The following SHROOM4 variants were observed in gnomAD, a reference collection of about 807,000 sequenced individuals.
The protein encoded by SHROOM4 is shroom family member 4.
Under a neutral mutation model 80.3 loss-of-function variants are expected in SHROOM4, and 17 were observed. The ratio of observed to expected loss-of-function variants is 0.21; its 90% CI spans 0.14 to 0.32. SHROOM4 has a LOEUF of 0.32. Ranked by LOEUF, SHROOM4 falls within the 10% of genes least tolerant of loss-of-function variation. The pLI is 1.00. For synonymous variants in SHROOM4, 400 were observed against 437.5 expected (o/e 0.91, Z 1.07); for missense variants, 993 against 1,140.3 (o/e 0.87, Z 1.86).
rs782423442 is a variant in SHROOM4, at chrX:50,724,896, G to A, written c.118-28959C>T. 1.3e-4 allele frequency among the ~76,000 whole-genome samples: 15 copies of A among 111,990 alleles called. No individual in the cohort carries two copies. In the South Asian group the frequency reaches 2.2e-3, roughly 17 times the overall value. ...TCTTTGGTATTGTATATAAGAAATC[G>A]TTGCTGATAGAACTTCCAGAATAGG... is the stretch of plus-strand genomic sequence containing the variant. On this transcript the variant is annotated intron_variant, in intron 1 of 8. Coordinates refer to ENST00000376020, the MANE Select transcript of SHROOM4 (RefSeq NM_020717.5).
intron 1 of SHROOM4, among the ~76,000 whole-genome samples, chrX:50,799,753 A>G (rs1333052168): frequency 8.9e-6 from 1 of 112,002 alleles, no homozygotes; most frequent in African/African-American, 3.3e-5. Context: ...CCTCTCAGCT[A>G]AAGCAGTGAA....
chrX:50,652,109 T>G (rs1318631697), intron 2 of SHROOM4, among the ~76,000 whole-genome samples: 2 of 111,941 alleles, frequency 1.8e-5, no homozygotes, highest in Admixed American at 9.5e-5. Context: ...GTAATGGGAT[T>G]GCTAGATCAA....
chrX:50,640,101 C>T (rs782483953), intron 2 of SHROOM4, among the ~76,000 whole-genome samples: 74 of 111,934 alleles, frequency 6.6e-4, no homozygotes, highest in Non-Finnish European at 1.2e-3. Flanking sequence ...TCTCCAGCTG[C>T]TGCTACCAGG....
intron 5 of SHROOM4, among the ~76,000 whole-genome samples, chrX:50,611,131 ATTTTCTTT>A (rs1929954039): frequency 1.7e-4 from 13 of 77,466 alleles, no homozygotes; most frequent in Non-Finnish European, 2.0e-4. Flanking sequence ...TACAGACCAT[ATTTTCTTT>A]TTTTCTTTTT....
At chrX:50,628,315 C>T (rs1557253499) in intron 4 of SHROOM4, among the ~76,000 whole-genome samples, 2 of 111,203 alleles carry the variant, frequency 1.8e-5, no homozygotes, top group African/African-American at 6.5e-5. Flanking sequence ...AGCAGACTCT[C>T]TACCCTGGGC....
chrX:50,745,464 G>A (rs1934754423), intron 1 of SHROOM4, among the ~76,000 whole-genome samples: 1 of 110,527 alleles, frequency 9.0e-6, no homozygotes, highest in African/African-American at 3.3e-5. Flanking sequence ...AAAAAAACTG[G>A]GCCCTCGACT....
At chrX:50,680,659 A>AT (rs1274631713) in intron 2 of SHROOM4, among the ~76,000 whole-genome samples, 1 of 111,324 alleles carries the variant, frequency 9.0e-6, no homozygotes, top group Non-Finnish European at 1.9e-5. Context: ...AAATTCAGGA[A>AT]TTTTTATATT....
intron 1 of SHROOM4, among the ~76,000 whole-genome samples, chrX:50,736,465 G>A (rs1163675161): frequency 2.7e-5 from 3 of 111,048 alleles, no homozygotes; most frequent in Admixed American, 1.9e-4. Flanking sequence ...GTGTCCATGT[G>A]TTCTCATTGT....
chrX:50,598,213 G>A, intron 8 of SHROOM4, 53 bp downstream of exon 8: 2 of 1,201,505 alleles, frequency 1.7e-6, no homozygotes, highest in Non-Finnish European at 2.3e-6. Flanking sequence ...GGAGCCCTGA[G>A]AAGAAACAAA....
At chrX:50,800,541 G>C (rs1190192398) in intron 1 of SHROOM4, among the ~76,000 whole-genome samples, 1 of 111,293 alleles carries the variant, frequency 9.0e-6, no homozygotes, top group African/African-American at 3.3e-5. Flanking sequence ...GGGCTTGAAG[G>C]TTAGGTCCTA....
intron 1 of SHROOM4, among the ~76,000 whole-genome samples, chrX:50,804,776 C>T (rs143369678): frequency 0.017 from 1,914 of 111,888 alleles, 22 homozygotes; most frequent in Middle Eastern, 0.06. Flanking sequence ...ACTACCTCTC[C>T]GATCCCACCA....
chrX:50,646,527 A>AGTGTGTGTGTGT (rs782016561), intron 2 of SHROOM4, among the ~76,000 whole-genome samples: 219 of 78,773 alleles, frequency 2.8e-3, no homozygotes, highest in Non-Finnish European at 4.6e-3. Flanking sequence ...AGGGGGGAAG[A>AGTGTGTGTGTGT]GTGTGTGTGT....
chrX:50,658,699 C>A lies in SHROOM4; in HGVS notation c.270-20391G>T, dbSNP rs1029290636. ...AGGGATAGGAAGGGAAGATGATGAA[C>A]CTGAAATTGATAATAAAAGGGAAAG... is the stretch of plus-strand genomic sequence containing the variant. On this transcript the variant is annotated intron_variant, in intron 2 of 8. Coordinates refer to ENST00000376020, the MANE Select transcript of SHROOM4 (RefSeq NM_020717.5). Among the ~76,000 whole-genome samples the A allele has an allele frequency of 5.4e-5, 6 of 111,238 alleles. No individual in the cohort carries two copies. In the Admixed American group the frequency reaches 5.7e-4, roughly 11 times the overall value.
intron 5 of SHROOM4, among the ~76,000 whole-genome samples, chrX:50,624,978 A>G (rs1427080484): frequency 1.8e-5 from 2 of 111,927 alleles, no homozygotes; most frequent in African/African-American, 3.2e-5. Context: ...ATACTATAAT[A>G]GGTCCCATCA....
At chrX:50,618,878 C>T (rs1314955431) in intron 5 of SHROOM4, among the ~76,000 whole-genome samples, 3 of 112,157 alleles carry the variant, frequency 2.7e-5, no homozygotes, top group Non-Finnish European at 5.6e-5. Flanking sequence ...GAGAGATAAT[C>T]GCAGGGAAGC....
At chrX:50,648,147 T>G (rs2147333595) in intron 2 of SHROOM4, among the ~76,000 whole-genome samples, 1 of 111,404 alleles carries the variant, frequency 9.0e-6, no homozygotes, top group Admixed American at 9.5e-5. Flanking sequence ...CTATTATAGG[T>G]AAGAGATAAT....
intron 2 of SHROOM4, among the ~76,000 whole-genome samples, chrX:50,680,133 C>T (rs1932910687): frequency 8.9e-6 from 1 of 111,952 alleles, no homozygotes; most frequent in Non-Finnish European, 1.9e-5. Flanking sequence ...TTTTCTCCTA[C>T]CTCACTGGCC....
chrX:50,652,416 G>C (rs899930739), intron 2 of SHROOM4, among the ~76,000 whole-genome samples: 2 of 111,317 alleles, frequency 1.8e-5, no homozygotes, highest in African/African-American at 3.3e-5. Context: ...CCTATTTTTT[G>C]ATGGGTTTTT....
intron 2 of SHROOM4, among the ~76,000 whole-genome samples, chrX:50,659,906 G>A (rs1360088803): frequency 2.7e-5 from 3 of 112,152 alleles, no homozygotes; most frequent in South Asian, 3.7e-4. Flanking sequence ...AGATAATTCC[G>A]TATCCACATA....
Sources: gnomAD v4.1 joint callset for allele counts (sites outside exome capture counted in the v4.1 genomes callset) on GRCh38, gnomAD v4.1.1 for gene constraint, MANE v1.5 for transcripts, NCBI Gene and HGNC (gene_info 2026-07-23, HGNC 2026-07-21) for gene names.